Variants in CSMD1 observed in about 807,000 individuals in gnomAD.
CSMD1 encodes the protein CUB and Sushi multiple domains 1.
In CSMD1, 213 loss-of-function variants were observed where a neutral mutation model predicts 417.5. That is an observed-to-expected ratio of 0.51 (90% CI 0.46 to 0.57). CSMD1 has a LOEUF of 0.57. CSMD1 is among the 20% of genes least tolerant of loss of function. The pLI is 0.00. For missense variants in CSMD1, 6,923 were observed against 4,529.7 expected, an observed-to-expected ratio of 1.53 and a Z score of -15.17; for synonymous variants, 2,862 against 1,736.8, an observed-to-expected ratio of 1.65 and a Z score of -16.11.
intron 25 of CSMD1, among the ~76,000 whole-genome samples, chr8:3,292,758 G>T (rs1803673406): frequency 6.6e-6 from 1 of 152,178 alleles, no homozygotes; most frequent in South Asian, 2.1e-4. Context: ...AGAGCACACT[G>T]ATGGGTCTTG....
At chr8:3,713,496 G>A (rs895805261) in intron 6 of CSMD1, among the ~76,000 whole-genome samples, 1 of 152,008 alleles carries the variant, frequency 6.6e-6, no homozygotes, top group Admixed American at 6.6e-5. Flanking sequence ...GTCCCTCCCT[G>A]TAATCCCTCT....
intron 4 of CSMD1, among the ~76,000 whole-genome samples, chr8:4,001,311 C>T (rs141382714): frequency 0.011 from 1,647 of 152,208 alleles, 9 homozygotes; most frequent in Non-Finnish European, 0.016. Flanking sequence ...ACAGGGACAC[C>T]AGCCATAGCT....
chr8:3,290,556 G>C lies in CSMD1; in HGVS notation c.3951-6210C>G, dbSNP rs532154347. ...GGTCCTTCACATCCCTTGTAAGTTGGATTGCTAGGTATTTTGTTCTCTTTG... is the reference window on the plus strand; with the variant it reads ...GGTCCTTCACATCCCTTGTAAGTTGCATTGCTAGGTATTTTGTTCTCTTTG... On this transcript the variant is annotated intron_variant, in intron 25 of 69. Transcript: ENST00000635120. Among the ~76,000 whole-genome samples the C allele has an allele frequency of 2.7e-5, 4 of 146,082 alleles. No individual in the cohort carries two copies. The East Asian group carries it at 7.9e-4, about 29-fold the overall frequency.
At chr8:4,538,033 T>C (rs1002699352) in intron 2 of CSMD1, among the ~76,000 whole-genome samples, 33 of 152,300 alleles carry the variant, frequency 2.2e-4, no homozygotes, top group African/African-American at 7.7e-4. Context: ...TAACTGAGTA[T>C]AAATATAGCT....
intron 49 of CSMD1, among the ~76,000 whole-genome samples, chr8:3,080,097 C>T (rs527326846): frequency 1.7e-4 from 26 of 152,286 alleles, no homozygotes; most frequent in Non-Finnish European, 3.4e-4. Context: ...AGACAAACTC[C>T]ACTCCAAGCA....
intron 2 of CSMD1, among the ~76,000 whole-genome samples, chr8:4,560,663 A>G (rs1217393291): frequency 6.6e-6 from 1 of 152,202 alleles, no homozygotes; most frequent in Non-Finnish European, 1.5e-5. Flanking sequence ...TCTGAATAAA[A>G]CAACCTTAAC....
intron 2 of CSMD1, among the ~76,000 whole-genome samples, chr8:4,540,773 G>C (rs148125285): frequency 1.3e-5 from 2 of 151,934 alleles, no homozygotes; most frequent in African/African-American, 4.8e-5. Flanking sequence ...TAATCATCCC[G>C]GACCAGTGAG....
chr8:4,040,559 C>T (rs749259445), intron 3 of CSMD1, among the ~76,000 whole-genome samples: 1 of 152,062 alleles, frequency 6.6e-6, no homozygotes, highest in Non-Finnish European at 1.5e-5. Flanking sequence ...ATTAGATCTA[C>T]GGTGTTCACA....
intron 26 of CSMD1, among the ~76,000 whole-genome samples, chr8:3,250,747 T>C (rs1039683242): frequency 2.6e-5 from 4 of 152,206 alleles, no homozygotes; most frequent in Non-Finnish European, 2.9e-5. Flanking sequence ...TAATGGTTGA[T>C]TGCCATTCTA....
chr8:3,119,254 T>C (rs1462415945), intron 41 of CSMD1, among the ~76,000 whole-genome samples: 1 of 149,210 alleles, frequency 6.7e-6, no homozygotes, highest in Non-Finnish European at 1.5e-5. Context: ...ATATACCTAA[T>C]AATTCCCTTT....
intron 3 of CSMD1, among the ~76,000 whole-genome samples, chr8:4,246,332 G>T (rs1249948144): frequency 6.6e-6 from 1 of 152,038 alleles, no homozygotes. Context: ...CTCCATCCAC[G>T]TCCTTGCAAA....
At chr8:3,276,007 G>A (rs906444215) in intron 26 of CSMD1, among the ~76,000 whole-genome samples, 1 of 152,178 alleles carries the variant, frequency 6.6e-6, no homozygotes, top group African/African-American at 2.4e-5. Context: ...GAGGCACTCT[G>A]CTTTTTAGAG....
At chr8:3,755,510 A>G (rs541449039) in intron 5 of CSMD1, among the ~76,000 whole-genome samples, 3 of 152,258 alleles carry the variant, frequency 2.0e-5, no homozygotes, top group African/African-American at 7.2e-5. Flanking sequence ...CAGGAACTTG[A>G]ACTGTGGTGC....
chr8:4,815,326 G>T (rs1452407384), intron 1 of CSMD1, among the ~76,000 whole-genome samples: 1 of 152,118 alleles, frequency 6.6e-6, no homozygotes, highest in Non-Finnish European at 1.5e-5. Flanking sequence ...TAGGCAAAAG[G>T]TATGACATCA....
intron 3 of CSMD1, among the ~76,000 whole-genome samples, chr8:4,261,688 G>C (rs922411502): frequency 6.6e-6 from 1 of 152,078 alleles, no homozygotes; most frequent in African/African-American, 2.4e-5. Flanking sequence ...GGGACTACAG[G>C]CATGAGTCAC....
chr8:3,606,311 G>C (rs1801610813), intron 8 of CSMD1, among the ~76,000 whole-genome samples: 1 of 152,134 alleles, frequency 6.6e-6, no homozygotes, highest in South Asian at 2.1e-4. Flanking sequence ...AGATGGTGTA[G>C]CCTGATACAC....
chr8:4,343,076 A>G (rs567933033), intron 3 of CSMD1, among the ~76,000 whole-genome samples: 2 of 152,176 alleles, frequency 1.3e-5, no homozygotes, highest in Admixed American at 1.3e-4. Context: ...TCAACATCAC[A>G]TGGTATCTCA....
intron 3 of CSMD1, among the ~76,000 whole-genome samples, chr8:4,412,008 G>GTT (rs1018740453): frequency 2.7e-5 from 4 of 149,856 alleles, no homozygotes; most frequent in Admixed American, 2.6e-4. Flanking sequence ...GTGTGTGTGT[G>GTT]TGTGTGTGTA....
At chr8:3,509,540 G>A (rs1031413469) in intron 10 of CSMD1, among the ~76,000 whole-genome samples, 10 of 152,038 alleles carry the variant, frequency 6.6e-5, no homozygotes, top group Admixed American at 5.9e-4. Context: ...TACCAAGATT[G>A]CCTCTAAATT....
Sources: gnomAD v4.1 joint callset for allele counts (sites outside exome capture counted in the v4.1 genomes callset) on GRCh38, gnomAD v4.1.1 for gene constraint, MANE v1.5 for transcripts, NCBI Gene and HGNC (gene_info 2026-07-23, HGNC 2026-07-21) for gene names.